The following CERS6 variants were observed in gnomAD, a reference collection of about 807,000 sequenced individuals.
CERS6 encodes LAG1 homolog, ceramide synthase 6.
A neutral mutation model predicts 56.8 loss-of-function variants in CERS6; 26 were observed. That is an observed-to-expected ratio of 0.46 (90% CI 0.34 to 0.63). CERS6 has a LOEUF of 0.63. Ranked by LOEUF, CERS6 falls within the 30% of genes least tolerant of loss-of-function variation. The pLI, the probability that CERS6 is intolerant of heterozygous loss-of-function variation, is 0.01. For missense variants in CERS6, 415 were observed against 467.5 expected (o/e 0.89, Z 1.04); for synonymous variants, 164 against 173.3 (o/e 0.95, Z 0.42).
At chr2:168,688,426 A>AG (rs1185319567) in intron 4 of CERS6, among the ~76,000 whole-genome samples, 1 of 151,886 alleles carries the variant, frequency 6.6e-6, no homozygotes, top group Admixed American at 6.6e-5. Context: ...AAAAAAAAAA[A>AG]AAAAGAAGTT....
intron 3 of CERS6, among the ~76,000 whole-genome samples, chr2:168,580,025 T>G (rs1168151602): frequency 6.6e-6 from 1 of 152,206 alleles, no homozygotes; most frequent in Non-Finnish European, 1.5e-5. Flanking sequence ...GCGCTAATCA[T>G]TGTCTTAGTT....
At chr2:168,646,160 G>A (rs919240564) in intron 4 of CERS6, among the ~76,000 whole-genome samples, 14 of 152,214 alleles carry the variant, frequency 9.2e-5, no homozygotes, top group African/African-American at 3.1e-4. Flanking sequence ...CCCATCAACA[G>A]TGTGTAAGTG....
intron 3 of CERS6, among the ~76,000 whole-genome samples, chr2:168,599,047 C>T (rs1460514065): frequency 6.6e-6 from 1 of 152,214 alleles, no homozygotes; most frequent in Non-Finnish European, 1.5e-5. Context: ...TTAATTCCAT[C>T]TTCACAACAA....
intron 5 of CERS6, 151 bp downstream of exon 5, chr2:168,691,235 G>A: frequency 1.5e-6 from 1 of 682,962 alleles, no homozygotes; most frequent in Middle Eastern, 2.4e-4. Flanking sequence ...ATCTAGTGAG[G>A]ATAGTAATTT....
intron 2 of CERS6, among the ~76,000 whole-genome samples, chr2:168,557,774 T>G (rs1473635021): frequency 9.9e-5 from 15 of 152,180 alleles, no homozygotes; most frequent in Admixed American, 9.8e-4. Flanking sequence ...CAGAAAAGAT[T>G]GATAAATTCA....
intron 3 of CERS6, among the ~76,000 whole-genome samples, chr2:168,602,599 C>A (rs1012568874): frequency 6.6e-6 from 1 of 151,990 alleles, no homozygotes; most frequent in Non-Finnish European, 1.5e-5. Context: ...TAGTTTGCTC[C>A]CAGGGAAAGA....
At chr2:168,652,673 C>T (rs1005435234) in intron 4 of CERS6, among the ~76,000 whole-genome samples, 1 of 150,050 alleles carries the variant, frequency 6.7e-6, no homozygotes, top group East Asian at 1.9e-4. Context: ...TGATTATTTG[C>T]AAGTAGGAAA....
intron 4 of CERS6, among the ~76,000 whole-genome samples, chr2:168,657,478 G>A (rs972721532): frequency 3.9e-5 from 6 of 152,366 alleles, no homozygotes; most frequent in African/African-American, 1.2e-4. Context: ...ACTGGGCGCC[G>A]TGGAGCAGGG....
Position 168,522,060 on chromosome 2 carries a change from T to C in CERS6, c.171-25536T>C, listed in dbSNP as rs147668642. Reference sequence around the variant, plus strand: ...TGATTTGAGAACACAGTGGGAAAATTTATTGCGCAAATGATATATTTTTGT... The same window carrying C: ...TGATTTGAGAACACAGTGGGAAAATCTATTGCGCAAATGATATATTTTTGT... On this transcript the variant is annotated intron_variant, in intron 1 of 9. Transcript: ENST00000305747. Among the ~76,000 whole-genome samples, 67 of 152,276 alleles carry C rather than the reference T, an allele frequency of 4.4e-4. No individual in the cohort carries two copies. The East Asian group carries it at 0.011, about 26-fold the overall frequency.
chr2:168,678,208 C>T lies in CERS6; in HGVS notation c.466-12826C>T, dbSNP rs141662465. Among the ~76,000 whole-genome samples the T allele has an allele frequency of 1.9e-3, 287 of 152,290 alleles. 4 individuals carry two copies. The highest frequency in any genetic ancestry group is 0.017 in the South Asian group (82 of 4,832). On this transcript the variant is annotated intron_variant, in intron 4 of 9. Transcript: ENST00000305747. Reference sequence around the variant, plus strand: ...AAAGGCAAACGTCTTACTATTGTTACGAAGAGTTTTGACTTCATACCTTCC... The same window carrying T: ...AAAGGCAAACGTCTTACTATTGTTATGAAGAGTTTTGACTTCATACCTTCC...
At chr2:168,665,782 A>G (rs1429033795) in intron 4 of CERS6, among the ~76,000 whole-genome samples, 2 of 152,216 alleles carry the variant, frequency 1.3e-5, no homozygotes, top group East Asian at 1.9e-4. Flanking sequence ...AGATTATGCA[A>G]CTAGTAAGTG....
chr2:168,562,691 A>G (rs1180290798), intron 3 of CERS6, among the ~76,000 whole-genome samples: 4 of 152,192 alleles, frequency 2.6e-5, no homozygotes, highest in African/African-American at 7.2e-5. Context: ...CTATCTCAGA[A>G]TTGAACAAAT....
chr2:168,653,296 A>G (rs1366101274), intron 4 of CERS6, among the ~76,000 whole-genome samples: 1 of 152,192 alleles, frequency 6.6e-6, no homozygotes, highest in Admixed American at 6.5e-5. Flanking sequence ...CTCCACAGCT[A>G]CCATTTCCAA....
chr2:168,698,065 G>GT (rs745775111), intron 6 of CERS6, among the ~76,000 whole-genome samples: 1 of 152,044 alleles, frequency 6.6e-6, no homozygotes, highest in Non-Finnish European at 1.5e-5. Context: ...GCCGAGGTGG[G>GT]TGGGTGGATC....
chr2:168,527,089 C>G (rs1292564511), intron 1 of CERS6, among the ~76,000 whole-genome samples: 1 of 152,242 alleles, frequency 6.6e-6, no homozygotes, highest in Non-Finnish European at 1.5e-5. Flanking sequence ...TTTCTGTCAA[C>G]AGAAGGTTCT....
intron 1 of CERS6, among the ~76,000 whole-genome samples, chr2:168,540,440 G>A (rs1345656203): frequency 6.6e-6 from 1 of 152,150 alleles, no homozygotes; most frequent in South Asian, 2.1e-4. Flanking sequence ...CCTTTTCTAT[G>A]TTTAGATACA....
intron 3 of CERS6, among the ~76,000 whole-genome samples, chr2:168,575,920 C>T (rs143168715): frequency 1.2e-3 from 179 of 152,188 alleles, no homozygotes; most frequent in Admixed American, 1.9e-3. Flanking sequence ...ATTTAGGAAA[C>T]CGTGGATATT....
At chr2:168,459,380 G>A (rs532672595) in intron 1 of CERS6, among the ~76,000 whole-genome samples, 3 of 152,126 alleles carry the variant, frequency 2.0e-5, no homozygotes, top group Non-Finnish European at 2.9e-5. Flanking sequence ...TTTTCATCCC[G>A]GCTGTTGTGG....
chr2:168,547,940 A>G lies in CERS6; in HGVS notation c.276+239A>G, dbSNP rs114404172. ...AGCTCACCTGAGAATAGTCTTGACTAAATAATGATTAGTCTAATTCTGTGC... is the reference window on the plus strand; with the variant it reads ...AGCTCACCTGAGAATAGTCTTGACTGAATAATGATTAGTCTAATTCTGTGC... On this transcript the variant is annotated intron_variant, in intron 2 of 9. Coordinates refer to ENST00000305747, the MANE Select transcript of CERS6 (RefSeq NM_203463.3). 1.1e-3 allele frequency among the ~76,000 whole-genome samples: 173 copies of G among 152,338 alleles called. 1 individual carries two copies. Among genetic ancestry groups the G allele is most frequent in the African/African-American group, 4.0e-3 (165 of 41,582 alleles).
Sources: gnomAD v4.1 joint callset for allele counts (sites outside exome capture counted in the v4.1 genomes callset) on GRCh38, gnomAD v4.1.1 for gene constraint, MANE v1.5 for transcripts, NCBI Gene and HGNC (gene_info 2026-07-23, HGNC 2026-07-21) for gene names.